The following TMEM51 variants were observed in gnomAD, a reference collection of about 807,000 sequenced individuals.
The protein encoded by TMEM51 is transmembrane protein 51.
TMEM51 carries 8 observed loss-of-function variants against 13.6 expected under a neutral mutation model. The ratio of observed to expected loss-of-function variants is 0.59; its 90% CI spans 0.35 to 1.07. The LOEUF (loss-of-function observed/expected upper bound fraction) is 1.07. Ranked by LOEUF, TMEM51 falls within the 50% of genes least tolerant of loss-of-function variation. TMEM51 has a pLI of 0.02. For missense variants in TMEM51, 279 were observed against 330.7 expected (o/e 0.84, Z 1.21); for synonymous variants, 147 against 144.4 (o/e 1.02, Z -0.13).
At chr1:15,182,298 G>A (rs910921400) in intron 1 of TMEM51, among the ~76,000 whole-genome samples, 1 of 152,204 alleles carries the variant, frequency 6.6e-6, no homozygotes, top group Non-Finnish European at 1.5e-5. Flanking sequence ...GCATGACCTT[G>A]AGAATGTGTC....
chr1:15,189,347 C>T (rs1395423188), intron 1 of TMEM51, among the ~76,000 whole-genome samples: 2 of 151,602 alleles, frequency 1.3e-5, no homozygotes, highest in African/African-American at 4.9e-5. Context: ...TGAGCTACCT[C>T]GCCCAGCCAT....
chr1:15,163,236 A>G (rs1642854255), intron 1 of TMEM51, among the ~76,000 whole-genome samples: 1 of 152,134 alleles, frequency 6.6e-6, no homozygotes, highest in South Asian at 2.1e-4. Flanking sequence ...TAGGAAACCA[A>G]CAAGTAAAAT....
At chr1:15,213,236 G>T (rs1156696996) in intron 2 of TMEM51, among the ~76,000 whole-genome samples, 1 of 152,196 alleles carries the variant, frequency 6.6e-6, no homozygotes, top group Admixed American at 6.5e-5. Flanking sequence ...AGAAATATTT[G>T]TTGGGTGAAA....
Position 15,219,475 on chromosome 1 carries a change from C to T in TMEM51, c.494C>T (p.Thr165Met), listed in dbSNP as rs779269565. The T allele has an allele frequency of 4.4e-5, 71 of 1,613,986 alleles. No individual in the cohort carries two copies. The highest frequency in any genetic ancestry group is 6.6e-5 in the South Asian group (6 of 91,086). ...TCTCTCCCGTCCTATGAGTCACTGA[C>T]GGGGCTCGACGAGACCACCCCCACA... ...SISLPSYESLTGLDETTPTST... is the reference protein window; with the variant it reads ...SISLPSYESLMGLDETTPTST... The change falls in exon 4 of 4, where the codon ACG becomes ATG. Residue 165 changes from threonine (T) to methionine (M), a missense_variant. By Grantham distance (81) the Thr-to-Met change is moderately conservative. Transcript: ENST00000376008.
At chr1:15,168,499 T>G (rs1460666000) in intron 1 of TMEM51, 1 of 1,304,040 alleles carries the variant, frequency 7.7e-7, no homozygotes, top group Non-Finnish European at 1.0e-6. Flanking sequence ...TATGTATTAT[T>G]GCCCCTTGGT....
intron 1 of TMEM51, among the ~76,000 whole-genome samples, chr1:15,191,500 T>C (rs2872003): frequency 0.63 from 95,857 of 152,012 alleles, 30,735 homozygotes; most frequent in East Asian, 0.93. Context: ...CCAAGTCGCC[T>C]CACCTGGCCC....
At position 15,220,342 on chromosome 1, in the gene TMEM51, A is replaced by G. The variant is rs998549999; in HGVS notation, c.*599A>G. On this transcript the variant is annotated 3_prime_UTR_variant, in exon 4 of 4. Transcript: ENST00000376008. ...GGCACGTGATGCATAATAGTCTTCA[A>G]TGGTACACTTAACTAGTCTCTTCTG... 1.3e-5 allele frequency: 2 copies of G among 151,212 alleles called. No homozygotes were observed. The highest frequency in any genetic ancestry group is 2.4e-5 in the African/African-American group (1 of 41,040). The allele number at this position is 151,212 out of a possible 1,614,324, so 9.4% of individuals were successfully genotyped here.
At chr1:15,208,149 C>T (rs1380783669) in intron 1 of TMEM51, among the ~76,000 whole-genome samples, 1 of 152,134 alleles carries the variant, frequency 6.6e-6, no homozygotes, top group Non-Finnish European at 1.5e-5. Context: ...AACAAGAAAG[C>T]AAAATGAGAT....
chr1:15,187,590 A>G (rs1643820408), intron 1 of TMEM51, among the ~76,000 whole-genome samples: 1 of 152,018 alleles, frequency 6.6e-6, no homozygotes, highest in African/African-American at 2.4e-5. Context: ...CTGGATGTAG[A>G]TCATAACCTT....
At chr1:15,216,522 G>A (rs1247488077) in intron 3 of TMEM51, among the ~76,000 whole-genome samples, 4 of 152,118 alleles carry the variant, frequency 2.6e-5, no homozygotes, top group Non-Finnish European at 5.9e-5. Flanking sequence ...TAGGGAAGAT[G>A]GATTGCTGAT....
At chr1:15,156,940 G>T (rs967577819) in intron 1 of TMEM51, among the ~76,000 whole-genome samples, 1 of 152,166 alleles carries the variant, frequency 6.6e-6, no homozygotes, top group Non-Finnish European at 1.5e-5. Flanking sequence ...ATAGAGTTGA[G>T]CTCCTCCCCA....
rs562883411 is a variant in TMEM51 at position 15,174,441 on chromosome 1, T to C, written c.-267+20487T>C. Among the ~76,000 whole-genome samples, 286 of 152,196 alleles carry C rather than the reference T, an allele frequency of 1.9e-3. 1 individual carries two copies. The highest frequency in any genetic ancestry group is 6.5e-3 in the African/African-American group (269 of 41,524). On this transcript the variant is annotated intron_variant, in intron 1 of 3. Transcript: ENST00000376008. ...AGTTTTTGTAGAAACCGGGTCTTGC[T>C]GTGTTGCCCAGGCTGGTCTCAAATT...
At chr1:15,155,450 T>A (rs1557826817) in intron 1 of TMEM51, among the ~76,000 whole-genome samples, 1 of 152,114 alleles carries the variant, frequency 6.6e-6, no homozygotes, top group Admixed American at 6.5e-5. Context: ...CGAGGTGGGG[T>A]ATTTATGCCT....
intron 1 of TMEM51, among the ~76,000 whole-genome samples, chr1:15,185,548 T>G (rs1468899772): frequency 6.6e-6 from 1 of 152,248 alleles, no homozygotes; most frequent in African/African-American, 2.4e-5. Context: ...AATTTCAGAT[T>G]TTCAGTTTAA....
At chr1:15,214,803 G>A in intron 2 of TMEM51, 92 bp from the exon 3 acceptor site, 1 of 427,994 alleles carries the variant, frequency 2.3e-6, no homozygotes, top group Non-Finnish European at 4.2e-6. Flanking sequence ...CGGTGCTGCT[G>A]CCTAACTCCT....
chr1:15,171,168 T>C (rs1194931427), intron 1 of TMEM51: 1 of 1,301,672 alleles, frequency 7.7e-7, no homozygotes, highest in Admixed American at 2.3e-5. Context: ...GCCCCAGGAT[T>C]TGCATTTCTA....
intron 1 of TMEM51, among the ~76,000 whole-genome samples, chr1:15,196,491 T>C (rs1644053114): frequency 6.6e-6 from 1 of 152,096 alleles, no homozygotes; most frequent in South Asian, 2.1e-4. Flanking sequence ...AGGGAGTATG[T>C]GGAGACTTTG....
At chr1:15,183,219 G>T (rs1479875254) in intron 1 of TMEM51, among the ~76,000 whole-genome samples, 1 of 152,152 alleles carries the variant, frequency 6.6e-6, no homozygotes, top group African/African-American at 2.4e-5. Flanking sequence ...AGCACACAAG[G>T]GATAAATATC....
intron 1 of TMEM51, among the ~76,000 whole-genome samples, chr1:15,160,885 C>T (rs1385065973): frequency 6.7e-6 from 1 of 148,612 alleles, no homozygotes; most frequent in Non-Finnish European, 1.5e-5. Context: ...AGCTGATCCC[C>T]CACGGGAGGC....
Sources: gnomAD v4.1 joint callset for allele counts (sites outside exome capture counted in the v4.1 genomes callset) on GRCh38, gnomAD v4.1.1 for gene constraint, MANE v1.5 for transcripts, NCBI Gene and HGNC (gene_info 2026-07-23, HGNC 2026-07-21) for gene names.